The following SPAG9 variants were observed in gnomAD, a reference collection of about 807,000 sequenced individuals.
SPAG9 encodes the protein C-Jun-amino-terminal kinase-interacting protein 4.
A neutral mutation model predicts 166.5 loss-of-function variants in SPAG9; 35 were observed. The ratio of observed to expected loss-of-function variants is 0.21; its 90% CI spans 0.16 to 0.28. The LOEUF is 0.28. SPAG9 is among the 10% of genes least tolerant of loss of function. The probability of loss-of-function intolerance (pLI) is 1.00; values close to 1 mark genes in which losing one functional copy is unlikely to be tolerated. For missense variants in SPAG9, 1,235 were observed against 1,603.3 expected (o/e 0.77, Z 3.92); for synonymous variants, 534 against 565.5 (o/e 0.94, Z 0.79).
At chr17:51,096,070 T>A (rs1226390400) in intron 1 of SPAG9, among the ~76,000 whole-genome samples, 2 of 121,052 alleles carry the variant, frequency 1.7e-5, no homozygotes, top group East Asian at 2.2e-4. Context: ...TATATATATA[T>A]AAAGTGGTTT....
chr17:51,001,276 TG>T (rs1172407854), intron 13 of SPAG9, among the ~76,000 whole-genome samples: 20 of 152,196 alleles, frequency 1.3e-4, no homozygotes, highest in Non-Finnish European at 2.6e-4. Flanking sequence ...GCCATCTGAC[TG>T]AAAGATACCA....
intron 24 of SPAG9, among the ~76,000 whole-genome samples, 199 bp downstream of exon 24, chr17:50,984,724 T>C (rs111517699): frequency 2.0e-5 from 3 of 152,136 alleles, no homozygotes; most frequent in East Asian, 3.9e-4. Flanking sequence ...AAAATGCCCA[T>C]TGTGGTAAAC....
intron 8 of SPAG9, among the ~76,000 whole-genome samples, chr17:51,016,954 T>C (rs893148277): frequency 3.3e-5 from 5 of 152,218 alleles, no homozygotes; most frequent in African/African-American, 7.2e-5. Flanking sequence ...CTGTATTCTG[T>C]GGCTAAGTAG....
intron 1 of SPAG9, among the ~76,000 whole-genome samples, chr17:51,104,507 T>C (rs1375817003): frequency 6.6e-6 from 1 of 151,910 alleles, no homozygotes; most frequent in Non-Finnish European, 1.5e-5. Flanking sequence ...GTGGTGGCGC[T>C]TGCCTGTAAT....
chr17:50,992,601 G>A (rs1471418984), intron 19 of SPAG9, among the ~76,000 whole-genome samples: 1 of 152,064 alleles, frequency 6.6e-6, no homozygotes, highest in African/African-American at 2.4e-5. Context: ...AGCCCGGAAG[G>A]TCATGGCTGC....
intron 2 of SPAG9, among the ~76,000 whole-genome samples, chr17:51,071,134 C>CCATA: frequency 6.6e-6 from 1 of 152,202 alleles, no homozygotes; most frequent in East Asian, 1.9e-4. Flanking sequence ...TGTACCACAA[C>CCATA]CATACCTAGG....
chr17:50,994,245 G>A (rs1003539095), intron 18 of SPAG9, among the ~76,000 whole-genome samples: 2 of 152,058 alleles, frequency 1.3e-5, no homozygotes, highest in Admixed American at 1.3e-4. Context: ...GGTTTATTAG[G>A]GGTTTACACT....
At chr17:50,983,396 C>G (rs118163909) in intron 24 of SPAG9, among the ~76,000 whole-genome samples, 1 of 152,320 alleles carries the variant, frequency 6.6e-6, no homozygotes, top group Non-Finnish European at 1.5e-5. Context: ...TGCTCTGTAC[C>G]TACCACAGTT....
Position 50,993,872 on chromosome 17 carries a change from T to A in SPAG9, c.2290A>T (p.Thr764Ser). ...ATAAGAACTTTTGTAGCCGAATGAG[T>A]GCTGGTACAGATCCAAACTAGACTG... ...LSSLVWICTS[T>S]HSATKVLIID... is the part of the protein sequence containing the mutation. The change falls in exon 19 of 30, where the codon ACT becomes TCT. Residue 764 changes from threonine (T) to serine (S), a missense_variant. Around this residue, in one of 6 missense-constraint regions of SPAG9, gnomAD observed 493 missense variants for 559.4 expected, o/e 0.88. Transcript: ENST00000262013. The A allele has an allele frequency of 6.2e-7, 1 of 1,614,110 alleles. No individual in the cohort carries two copies. The highest frequency in any genetic ancestry group is 1.1e-5 in the South Asian group (1 of 91,072).
At chr17:51,076,082 A>G (rs1386513316) in intron 2 of SPAG9, among the ~76,000 whole-genome samples, 1 of 151,834 alleles carries the variant, frequency 6.6e-6, no homozygotes, top group Admixed American at 6.6e-5. Flanking sequence ...GTGACAAAGC[A>G]AGACTCCATC....
chr17:51,001,069 G>C (rs1267399503), intron 13 of SPAG9, among the ~76,000 whole-genome samples: 1 of 152,192 alleles, frequency 6.6e-6, no homozygotes, highest in African/African-American at 2.4e-5. Flanking sequence ...TTGGCAATTA[G>C]AGAATGTGTT....
chr17:51,119,299 C>T (rs1598215549), intron 1 of SPAG9, among the ~76,000 whole-genome samples: 1 of 152,140 alleles, frequency 6.6e-6, no homozygotes, highest in African/African-American at 2.4e-5. Flanking sequence ...TATGTCATTC[C>T]TTCAATAATT....
At chr17:51,094,508 T>C (rs897271641) in intron 1 of SPAG9, among the ~76,000 whole-genome samples, 7 of 152,186 alleles carry the variant, frequency 4.6e-5, no homozygotes, top group Admixed American at 3.3e-4. Flanking sequence ...AAAGTATGAA[T>C]TGACGAATCC....
chr17:51,077,432 T>C (rs2048048790), intron 2 of SPAG9, among the ~76,000 whole-genome samples: 1 of 151,552 alleles, frequency 6.6e-6, no homozygotes, highest in Non-Finnish European at 1.5e-5. Context: ...TTGTCTCTAT[T>C]TAAAAAAAAG....
chr17:51,028,125 A>G (rs1450286788), intron 6 of SPAG9, among the ~76,000 whole-genome samples: 2 of 152,184 alleles, frequency 1.3e-5, no homozygotes, highest in East Asian at 1.9e-4. Flanking sequence ...GATATAAAGA[A>G]AATATTTTCA....
At chr17:50,972,591 T>C (rs878876567) in intron 28 of SPAG9, among the ~76,000 whole-genome samples, 3 of 152,240 alleles carry the variant, frequency 2.0e-5, no homozygotes, top group Admixed American at 2.0e-4. Flanking sequence ...GTGGGATATT[T>C]TTTTCCTTGT....
chr17:51,012,639 G>C (rs191569827), intron 9 of SPAG9, among the ~76,000 whole-genome samples: 149 of 151,654 alleles, frequency 9.8e-4, no homozygotes, highest in African/African-American at 3.5e-3. Context: ...TTCTTCCAAA[G>C]TTTTACTTAA....
intron 5 of SPAG9, among the ~76,000 whole-genome samples, chr17:51,035,844 T>C (rs1236237240): frequency 6.6e-6 from 1 of 152,184 alleles, no homozygotes; most frequent in Non-Finnish European, 1.5e-5. Flanking sequence ...AGGATGCTCT[T>C]CAAAGAAAAA....
Position 50,970,808 on chromosome 17 carries a change from C to T in SPAG9, c.3749G>A (p.Gly1250Asp). The change falls in exon 29 of 30, where the codon GGT (glycine) becomes GAT (aspartate). Residue 1250 changes from glycine (G) to aspartate (D), a missense_variant. Transcript: ENST00000262013. ...CTGTGCAGATGGCCCTGCTTTGTCA[C>T]CCGTCAGATCCGTGCCACTACTGCT... ...QSSSSGTDLT[G>D]DKAGPSAQEP... The T allele has an allele frequency of 6.2e-7, 1 of 1,614,138 alleles. No homozygotes were observed. Among genetic ancestry groups the T allele is most frequent in the Non-Finnish European group, 8.5e-7 (1 of 1,180,004 alleles).
Sources: gnomAD v4.1 joint callset for allele counts (sites outside exome capture counted in the v4.1 genomes callset) on GRCh38, gnomAD v4.1.1 for gene constraint, gnomAD v4.1.1 regional missense constraint, MANE v1.5 for transcripts, NCBI Gene and HGNC (gene_info 2026-07-23, HGNC 2026-07-21) for gene names.